The following RAPGEF5 variants were observed in gnomAD, a reference collection of about 807,000 sequenced individuals.
RAPGEF5 encodes M-Ras-regulated GEF.
In RAPGEF5, 65 loss-of-function variants were observed where a neutral mutation model predicts 125.2. The observed-to-expected ratio is 0.52, with a 90% confidence interval of 0.43 to 0.64. The LOEUF is 0.64. Among genes scored for constraint, RAPGEF5 ranks in the 30% least tolerant of loss-of-function variants. The probability of loss-of-function intolerance (pLI) is 0.00; values close to 1 mark genes in which losing one functional copy is unlikely to be tolerated. For synonymous variants in RAPGEF5, 391 were observed against 385.9 expected (o/e 1.01, Z -0.16); for missense variants, 958 against 1,048.1 (o/e 0.91, Z 1.19).
At chr7:22,128,110 G>C (rs1782805371) in intron 24 of RAPGEF5, among the ~76,000 whole-genome samples, 1 of 152,168 alleles carries the variant, frequency 6.6e-6, no homozygotes, top group South Asian at 2.1e-4. Context: ...TCAAACTGAT[G>C]TAAGGCTGGG....
chr7:22,221,560 G>T (rs1785789970), intron 8 of RAPGEF5, among the ~76,000 whole-genome samples: 1 of 152,154 alleles, frequency 6.6e-6, no homozygotes, highest in African/African-American at 2.4e-5. Context: ...GAGGAACCAG[G>T]TAGAGGTAAT....
At chr7:22,161,922 T>A (rs1784014426) in intron 13 of RAPGEF5, among the ~76,000 whole-genome samples, 1 of 152,202 alleles carries the variant, frequency 6.6e-6, no homozygotes, top group African/African-American at 2.4e-5. Context: ...TGAAGCCTAT[T>A]AATTAGAAAA....
intron 11 of RAPGEF5, chr7:22,191,713 C>T: frequency 2.1e-6 from 1 of 468,334 alleles, no homozygotes; most frequent in Non-Finnish European, 4.4e-6. Context: ...CAGGCAAATT[C>T]TGACATTAGC....
rs945294116 is a variant in RAPGEF5 at position 22,291,217 on chromosome 7, G to C, written c.705C>G (p.Ser235=). The change falls in exon 6 of 26, where the codon TCC becomes TCG. Residue 235 remains serine, a synonymous_variant. Transcript: ENST00000665637. ...CELSHQKIED[S]EESSDEILVR... is the part of the protein sequence containing the mutation. The stretch of plus-strand genomic sequence containing the variant: ...CAAGAATTTCATCACTGCTTTCTTC[G>C]GAGTCTTCAATTTTCTGATGAGACC... 1 of 1,572,642 alleles carries C rather than the reference G, an allele frequency of 6.4e-7. No individual in the cohort carries two copies. Among genetic ancestry groups the C allele is most frequent in the South Asian group, 1.2e-5 (1 of 83,494 alleles).
At chr7:22,288,741 C>A (rs1308924585) in intron 6 of RAPGEF5, among the ~76,000 whole-genome samples, 1 of 152,126 alleles carries the variant, frequency 6.6e-6, no homozygotes, top group Non-Finnish European at 1.5e-5. Flanking sequence ...CCAGGATGGT[C>A]TCAATCTTAA....
intron 15 of RAPGEF5, 68 bp downstream of exon 15, chr7:22,157,787 G>T: frequency 6.6e-7 from 1 of 1,504,710 alleles, no homozygotes; most frequent in Non-Finnish European, 9.2e-7. Context: ...TATGAAACAC[G>T]CCAAGGGAGG....
chr7:22,337,313 C>T (rs1279746639), intron 1 of RAPGEF5, among the ~76,000 whole-genome samples: 4 of 152,148 alleles, frequency 2.6e-5, no homozygotes, highest in East Asian at 3.9e-4. Context: ...AGTTGTCAAG[C>T]GTTGTGGGTC....
chr7:22,137,459 C>T (rs1023431268), intron 21 of RAPGEF5, among the ~76,000 whole-genome samples: 4 of 152,138 alleles, frequency 2.6e-5, no homozygotes, highest in African/African-American at 9.7e-5. Context: ...TGAGTGGAAT[C>T]AATGAATTGA....
intron 9 of RAPGEF5, among the ~76,000 whole-genome samples, chr7:22,204,624 C>G (rs886778750): frequency 6.6e-6 from 1 of 152,184 alleles, no homozygotes; most frequent in African/African-American, 2.4e-5. Context: ...CTTAAGTAAA[C>G]ACTCCTGTTT....
chr7:22,197,492 T>C (rs1260165693), intron 9 of RAPGEF5, among the ~76,000 whole-genome samples: 1 of 152,214 alleles, frequency 6.6e-6, no homozygotes, highest in African/African-American at 2.4e-5. Context: ...CAATGGCTTG[T>C]TATACTTCTT....
At chr7:22,122,670 T>C (rs1370979013) in intron 25 of RAPGEF5, 149 bp from the exon 26 acceptor site, 5 of 607,678 alleles carry the variant, frequency 8.2e-6, no homozygotes, top group Non-Finnish European at 1.2e-5. Context: ...TGTCCTACAG[T>C]AGAAATGCTT....
At chr7:22,279,510 C>G (rs2128144414) in intron 6 of RAPGEF5, among the ~76,000 whole-genome samples, 1 of 152,276 alleles carries the variant, frequency 6.6e-6, no homozygotes, top group East Asian at 1.9e-4. Flanking sequence ...GTGGTCTCAG[C>G]ATTTTCACTG....
intron 1 of RAPGEF5, among the ~76,000 whole-genome samples, chr7:22,327,611 T>C (rs1489625718): frequency 3.3e-5 from 5 of 152,248 alleles, no homozygotes; most frequent in Non-Finnish European, 4.4e-5. Context: ...TGGGTTCACC[T>C]TGCTTGGATT....
chr7:22,261,799 G>C (rs1320212193), intron 7 of RAPGEF5, among the ~76,000 whole-genome samples: 3 of 151,818 alleles, frequency 2.0e-5, no homozygotes, highest in Non-Finnish European at 2.9e-5. Context: ...AGGTGCAAAA[G>C]GAAAGATGGT....
At chr7:22,246,161 C>A (rs1786470070) in intron 7 of RAPGEF5, among the ~76,000 whole-genome samples, 1 of 152,096 alleles carries the variant, frequency 6.6e-6, no homozygotes, top group Non-Finnish European at 1.5e-5. Flanking sequence ...CCAAAGCAAT[C>A]TACAGATGCA....
At chr7:22,180,924 C>T (rs1274427066) in intron 11 of RAPGEF5, among the ~76,000 whole-genome samples, 1 of 152,156 alleles carries the variant, frequency 6.6e-6, no homozygotes, top group Non-Finnish European at 1.5e-5. Flanking sequence ...TGCAAATTGT[C>T]ATAATAATTC....
chr7:22,202,458 C>G (rs1785301033), intron 9 of RAPGEF5, among the ~76,000 whole-genome samples: 1 of 152,114 alleles, frequency 6.6e-6, no homozygotes, highest in African/African-American at 2.4e-5. Flanking sequence ...AAAGCATTAT[C>G]TAAGAAATAA....
intron 5 of RAPGEF5, among the ~76,000 whole-genome samples, chr7:22,298,335 G>A (rs572624739): frequency 2.0e-5 from 3 of 151,968 alleles, no homozygotes; most frequent in East Asian, 3.9e-4. Flanking sequence ...GCACCACCAC[G>A]CCTGGCTAAT....
chr7:22,123,870 C>A (rs1303350177), intron 25 of RAPGEF5, among the ~76,000 whole-genome samples: 1 of 152,202 alleles, frequency 6.6e-6, no homozygotes, highest in Admixed American at 6.5e-5. Context: ...TGGTTCTAAC[C>A]ATGGCAACTG....
Sources: gnomAD v4.1 joint callset for allele counts (sites outside exome capture counted in the v4.1 genomes callset) on GRCh38, gnomAD v4.1.1 for gene constraint, MANE v1.5 for transcripts, NCBI Gene and HGNC (gene_info 2026-07-23, HGNC 2026-07-21) for gene names.